C2CD5: variants seen among roughly 807,000 people sequenced by gnomAD.
C2CD5 encodes C2 domain-containing protein 5.
C2CD5 carries 109 observed loss-of-function variants against 130.3 expected under a neutral mutation model. The ratio of observed to expected loss-of-function variants is 0.84; its 90% CI spans 0.72 to 0.98. C2CD5 has a LOEUF of 0.98. Ranked by LOEUF, C2CD5 falls within the 50% of genes least tolerant of loss-of-function variation. C2CD5 has a pLI of 0.00. For missense variants in C2CD5, 996 were observed against 1,261.8 expected (o/e 0.79, Z 3.19); for synonymous variants, 454 against 429.2 (o/e 1.06, Z -0.71).
At chr12:22,479,548 A>T (rs916496210) in intron 14 of C2CD5, among the ~76,000 whole-genome samples, 1 of 152,186 alleles carries the variant, frequency 6.6e-6, no homozygotes, top group Non-Finnish European at 1.5e-5. Flanking sequence ...AGGACAGGGA[A>T]CTTTCTCAAG....
intron 10 of C2CD5, among the ~76,000 whole-genome samples, chr12:22,502,549 A>G (rs957897543): frequency 3.3e-5 from 5 of 152,206 alleles, no homozygotes; most frequent in Non-Finnish European, 5.9e-5. Flanking sequence ...TCATTAATTC[A>G]TTTTAGTTAA....
intron 14 of C2CD5, among the ~76,000 whole-genome samples, chr12:22,479,246 G>C (rs1468251274): frequency 7.3e-5 from 11 of 151,722 alleles, no homozygotes; most frequent in South Asian, 2.1e-4. Flanking sequence ...GCTAATTTTT[G>C]TATTTTTAGT....
chr12:22,526,782 A>C (rs1036839178), intron 4 of C2CD5, among the ~76,000 whole-genome samples: 1 of 152,240 alleles, frequency 6.6e-6, no homozygotes, highest in Non-Finnish European at 1.5e-5. Context: ...CTTATCTCTA[A>C]ACATTTACTA....
intron 3 of C2CD5, among the ~76,000 whole-genome samples, chr12:22,529,807 T>C (rs943368889): frequency 6.6e-6 from 1 of 152,016 alleles, no homozygotes; most frequent in Admixed American, 6.6e-5. Context: ...GAAACTGTTA[T>C]GTTAACTCAT....
At chr12:22,477,994 C>G in intron 15 of C2CD5, 1 of 267,076 alleles carries the variant, frequency 3.7e-6, no homozygotes, top group Admixed American at 4.8e-5. Context: ...GGCAAAAGAC[C>G]AACAAAACAC....
chr12:22,540,566 T>C (rs1001406624), intron 2 of C2CD5, among the ~76,000 whole-genome samples: 1 of 152,162 alleles, frequency 6.6e-6, no homozygotes, highest in African/African-American at 2.4e-5. Flanking sequence ...CATATTAAAA[T>C]AATAACAACA....
At chr12:22,522,944 G>A (rs1048628604) in intron 7 of C2CD5, among the ~76,000 whole-genome samples, 1 of 152,116 alleles carries the variant, frequency 6.6e-6, no homozygotes, top group Non-Finnish European at 1.5e-5. Context: ...AGGGCACAGT[G>A]GCTCACACCT....
chr12:22,453,703 A>T (rs1366016632), intron 26 of C2CD5, among the ~76,000 whole-genome samples, 193 bp downstream of exon 26: 2 of 152,202 alleles, frequency 1.3e-5, no homozygotes, highest in Non-Finnish European at 2.9e-5. Flanking sequence ...TAGTTACCTG[A>T]GATGTCGAAA....
At chr12:22,478,019 ACACACACACTCACACACACACACACT>A in intron 15 of C2CD5, 1 of 358,384 alleles carries the variant, frequency 2.8e-6, no homozygotes, top group Admixed American at 3.9e-5. Context: ...ACTCACACAC[ACACACACACTCACACACACACACACT>A]CACAAAGATA....
intron 5 of C2CD5, among the ~76,000 whole-genome samples, chr12:22,525,331 G>C (rs1303255710): frequency 6.6e-6 from 1 of 152,134 alleles, no homozygotes; most frequent in Non-Finnish European, 1.5e-5. Flanking sequence ...GCACCATAGT[G>C]CTTAGCCGTA....
At position 22,449,783 on chromosome 12, in the gene C2CD5, T is replaced by C; in HGVS notation, c.3133A>G (p.Thr1045Ala). 6.2e-7 allele frequency: 1 copy of C among 1,606,454 alleles called. No homozygotes were observed. Among genetic ancestry groups the C allele is most frequent in the Non-Finnish European group, 8.5e-7 (1 of 1,174,314 alleles). Residue 1045 changes from threonine to alanine, a missense_variant, in exon 27 of 27, where the codon ACT becomes GCT. This residue lies in a region of C2CD5 where 48 missense variants were observed against 46.4 expected (regional missense o/e 1.03). Coordinates refer to ENST00000446597, the MANE Select transcript of C2CD5 (RefSeq NM_001286176.2). ...QPTTNCQSSC[T>A]EGEVTT ...CCTCAGGTTGTAACTTCGCCTTCAG[T>C]ACATGATGACTGGCAGTTGGTAGTA...
At chr12:22,477,597 TA>T (rs1389163410) in intron 15 of C2CD5, among the ~76,000 whole-genome samples, 1 of 152,198 alleles carries the variant, frequency 6.6e-6, no homozygotes, top group Non-Finnish European at 1.5e-5. Context: ...GTGAATGTTA[TA>T]CTTTCCTTTT....
intron 12 of C2CD5, 70 bp from the exon 13 acceptor site, chr12:22,484,958 A>ATAT: frequency 1.4e-6 from 1 of 694,798 alleles, no homozygotes; most frequent in Non-Finnish European, 2.2e-6. Flanking sequence ...TAATTATGTA[A>ATAT]CTGATATTAC....
chr12:22,475,348 A>G (rs1943686068), intron 15 of C2CD5, among the ~76,000 whole-genome samples: 2 of 152,190 alleles, frequency 1.3e-5, no homozygotes. Context: ...GTGAAATATG[A>G]TCAATGTATG....
intron 22 of C2CD5, among the ~76,000 whole-genome samples, chr12:22,467,437 C>G (rs1417325373): frequency 6.6e-6 from 1 of 152,166 alleles, no homozygotes; most frequent in African/African-American, 2.4e-5. Flanking sequence ...CCGCGCCCAG[C>G]TGAACACACT....
Position 22,484,664 on chromosome 12 carries a change from C to T in C2CD5, c.1550+33G>A, listed in dbSNP as rs762430036. The stretch of plus-strand genomic sequence containing the variant: ...TACGGCTCCCTATCTCATACTTTTT[C>T]AGGGACACCGAGTGTTGTTTTCACA... On this transcript the variant is annotated intron_variant, in intron 13 of 26. Transcript: ENST00000446597. The T allele has an allele frequency of 2.3e-6, 3 of 1,293,568 alleles. No homozygotes were observed. The Admixed American group carries it at 7.1e-5, about 30-fold the overall frequency. 80.1% of individuals were successfully genotyped at this position (1,293,568 alleles called of 1,614,324 possible).
rs1355935410 is a variant in C2CD5 at position 22,449,878 on chromosome 12, A to G, written c.3038T>C (p.Ile1013Thr). Residue 1013 changes from isoleucine to threonine, a missense_variant, in exon 27 of 27, where the codon ATA becomes ACA. Ile to Thr is a moderately conservative substitution (Grantham distance 89, BLOSUM62 -1). Transcript: ENST00000446597. ...AACCACTGCATCACCACTTACATTT[A>G]TAAGACACTGTGCCTATAAGAACAA... ...NPNKNQAQCL[I>T]NVSGDAVVFV... 7 of 1,609,238 alleles carry G rather than the reference A, an allele frequency of 4.3e-6. No individual in the cohort carries two copies. Among genetic ancestry groups the G allele is most frequent in the Non-Finnish European group, 6.0e-6 (7 of 1,176,262 alleles).
chr12:22,520,823 C>T (rs1313547682), intron 7 of C2CD5, among the ~76,000 whole-genome samples: 3 of 151,784 alleles, frequency 2.0e-5, no homozygotes, highest in Non-Finnish European at 4.4e-5. Flanking sequence ...GTGTGCATGA[C>T]ACTAAACATC....
chr12:22,525,574 A>G (rs1565792172), intron 5 of C2CD5, 36 bp downstream of exon 5: 1 of 938,762 alleles, frequency 1.1e-6, no homozygotes, highest in Non-Finnish European at 1.8e-6. Flanking sequence ...AACAGTTATT[A>G]CATTTCCTGT....
Sources: gnomAD v4.1 joint callset for allele counts (sites outside exome capture counted in the v4.1 genomes callset) on GRCh38, gnomAD v4.1.1 for gene constraint, gnomAD v4.1.1 regional missense constraint, MANE v1.5 for transcripts, NCBI Gene and HGNC (gene_info 2026-07-23, HGNC 2026-07-21) for gene names.